The following TOLLIP variants were observed in gnomAD, a reference collection of about 807,000 sequenced individuals.
TOLLIP encodes toll interacting protein, also known as toll-interacting protein.
TOLLIP carries 16 observed loss-of-function variants against 33.5 expected under a neutral mutation model. The ratio of observed to expected loss-of-function variants is 0.48; its 90% CI spans 0.32 to 0.72. The LOEUF is 0.72. TOLLIP is among the 30% of genes least tolerant of loss of function. The pLI is 0.03. For synonymous variants in TOLLIP, 176 were observed against 163.7 expected, an observed-to-expected ratio of 1.07 and a Z score of -0.57; for missense variants, 325 against 396.6, an observed-to-expected ratio of 0.82 and a Z score of 1.53.
chr11:1,278,510 A>G lies in TOLLIP; in HGVS notation c.611-1257T>C, dbSNP rs1863384504. On this transcript the variant is annotated intron_variant, in intron 5 of 5. Coordinates refer to ENST00000317204, the MANE Select transcript of TOLLIP (RefSeq NM_019009.4). The surrounding 1 kb of genome is among the most constrained non-coding windows in gnomAD (Gnocchi z 4.7). The stretch of plus-strand genomic sequence containing the variant: ...ACGGAGCAGACAGGGCTTGCCACCA[A>G]GCCTCCTGCACCTGCTGCAAAGGCC... 6.6e-6 allele frequency among the ~76,000 whole-genome samples: 1 copy of G among 152,116 alleles called. No homozygotes were observed. The highest frequency in any genetic ancestry group is 1.5e-5 in the Non-Finnish European group (1 of 67,982).
chr11:1,295,944 T>G, intron 1 of TOLLIP, 150 bp from the exon 2 acceptor site: 1 of 1,055,896 alleles, frequency 9.5e-7, no homozygotes, highest in Non-Finnish European at 1.3e-6. Flanking sequence ...TCCTCATCTC[T>G]AAACGGAGGG....
At chr11:1,282,378 A>C (rs1863529932) in intron 5 of TOLLIP, among the ~76,000 whole-genome samples, 1 of 152,266 alleles carries the variant, frequency 6.6e-6, no homozygotes, top group African/African-American at 2.4e-5. Flanking sequence ...TTAAATGACG[A>C]GTCAATGGGT....
intron 1 of TOLLIP, among the ~76,000 whole-genome samples, chr11:1,304,034 T>TAAAA (rs1190313088): frequency 2.3e-5 from 2 of 87,902 alleles, no homozygotes; most frequent in Non-Finnish European, 4.7e-5. Flanking sequence ...AGCCTCCATG[T>TAAAA]AAAAAAAAAA....
chr11:1,286,505 G>C (rs1193560927), intron 4 of TOLLIP, among the ~76,000 whole-genome samples: 1 of 152,204 alleles, frequency 6.6e-6, no homozygotes, highest in Non-Finnish European at 1.5e-5. Context: ...ACTGTCCACT[G>C]TGGATAAGTC....
chr11:1,283,516 C>A (rs974395623), intron 5 of TOLLIP: 5 of 455,892 alleles, frequency 1.1e-5, no homozygotes, highest in Non-Finnish European at 2.2e-5. Flanking sequence ...GTGGACGAGT[C>A]CTCACAGGCT....
intron 2 of TOLLIP, chr11:1,295,393 C>A: frequency 2.7e-6 from 1 of 374,490 alleles, no homozygotes. Flanking sequence ...GGTGGAAGAG[C>A]CAGGCCCTAC....
At chr11:1,293,888 T>C (rs1382421683) in intron 2 of TOLLIP, among the ~76,000 whole-genome samples, 4 of 152,178 alleles carry the variant, frequency 2.6e-5, no homozygotes, top group South Asian at 4.1e-4. Flanking sequence ...GGCAGAGGGA[T>C]CGGCCACACC....
rs1403127831 is a variant in TOLLIP at position 1,276,163 on chromosome 11, AG to A, written c.*875del. Reference sequence around the variant, plus strand: ...CCCAAGCTGTCAGCAGTCGGCTGGCAGTGCCACCACACCCTCTCGGAATCAT... The same window carrying A: ...CCCAAGCTGTCAGCAGTCGGCTGGCATGCCACCACACCCTCTCGGAATCAT... On this transcript the variant is annotated 3_prime_UTR_variant, in exon 6 of 6. Coordinates refer to ENST00000317204, the MANE Select transcript of TOLLIP (RefSeq NM_019009.4). The A allele has an allele frequency of 6.5e-6, 1 of 152,946 alleles. No individual in the cohort carries two copies. The highest frequency in any genetic ancestry group is 1.5e-5 in the Non-Finnish European group (1 of 68,592). 9.5% of individuals were successfully genotyped at this position (152,946 alleles called of 1,614,324 possible).
chr11:1,306,218 C>T (rs1236438683), intron 1 of TOLLIP: 1 of 152,176 alleles, frequency 6.6e-6, no homozygotes, highest in Non-Finnish European at 1.5e-5. Context: ...AAGATCTAAA[C>T]ACGGTATGAT....
At chr11:1,291,236 T>C (rs1863926637) in intron 2 of TOLLIP, 1 of 152,260 alleles carries the variant, frequency 6.6e-6, no homozygotes, top group Non-Finnish European at 1.5e-5. Flanking sequence ...GTAAGCTGGG[T>C]TGGGTTCAGC....
chr11:1,281,914 GC>G (rs1219920336), intron 5 of TOLLIP, among the ~76,000 whole-genome samples: 2 of 152,208 alleles, frequency 1.3e-5, no homozygotes, highest in East Asian at 3.8e-4. Flanking sequence ...GCACGCAGCC[GC>G]CAGCCTCTCC....
At chr11:1,281,972 G>C (rs994291418) in intron 5 of TOLLIP, among the ~76,000 whole-genome samples, 58 of 152,236 alleles carry the variant, frequency 3.8e-4, no homozygotes, top group African/African-American at 1.3e-3. Context: ...GCTGCCGGGA[G>C]GATGGGCTGT....
Position 1,290,963 on chromosome 11 carries a change from T to A in TOLLIP, c.184-554A>T, listed in dbSNP as rs551462416. ...TCGGAGTACGTGGGGTTTTGGGGAC[T>A]GGAACTTGTCTTTCTTGTGTCTCCC... is the stretch of plus-strand genomic sequence containing the variant. On this transcript the variant is annotated intron_variant, in intron 2 of 5. Transcript: ENST00000317204. This position sits in a 1 kb window ranked among gnomAD's most constrained non-coding sequence, Gnocchi z 4.9. 1.7e-4 allele frequency: 26 copies of A among 154,024 alleles called. No homozygotes were observed. The highest frequency in any genetic ancestry group is 3.0e-4 in the Non-Finnish European group (21 of 69,196). 9.5% of individuals were successfully genotyped at this position (154,024 alleles called of 1,614,324 possible).
Position 1,290,537 on chromosome 11 carries a change from A to G in TOLLIP, c.184-128T>C. On this transcript the variant is annotated intron_variant, in intron 2 of 5. Coordinates refer to ENST00000317204, the MANE Select transcript of TOLLIP (RefSeq NM_019009.4). This position sits in a 1 kb window ranked among gnomAD's most constrained non-coding sequence, Gnocchi z 4.9. ...TAACACATAGACTACAGCCACTCAGAGTCGCCTGAACACGGCTGTGACCTG... is the reference window on the plus strand; with the variant it reads ...TAACACATAGACTACAGCCACTCAGGGTCGCCTGAACACGGCTGTGACCTG... The G allele has an allele frequency of 2.4e-6, 2 of 818,086 alleles. No homozygotes were observed. The highest frequency in any genetic ancestry group is 3.9e-6 in the Non-Finnish European group (2 of 519,324). The allele number at this position is 818,086 out of a possible 1,614,324, so 50.7% of individuals were successfully genotyped here. A position where few individuals can be genotyped will look rare whatever the true frequency, so the allele number is the denominator to read the frequency against.
Position 1,309,560 on chromosome 11 carries a change from G to A in TOLLIP, c.-62C>T, listed in dbSNP as rs1321971269. ...AGTGACGCGCCGGGCGACCTCCTGCGCCCCCGCCGGAGCCTGCGACGGAGA... is the reference window on the plus strand; with the variant it reads ...AGTGACGCGCCGGGCGACCTCCTGCACCCCCGCCGGAGCCTGCGACGGAGA... On this transcript the variant is annotated 5_prime_UTR_variant, in exon 1 of 6. Coordinates refer to ENST00000317204, the MANE Select transcript of TOLLIP (RefSeq NM_019009.4). 3.8e-6 allele frequency: 4 copies of A among 1,049,016 alleles called. No homozygotes were observed. Among genetic ancestry groups the A allele is most frequent in the East Asian group, 3.6e-5 (1 of 27,676 alleles). 65.0% of individuals were successfully genotyped at this position (1,049,016 alleles called of 1,614,324 possible).
At chr11:1,291,855 C>T (rs545521245) in intron 2 of TOLLIP, 3 of 161,162 alleles carry the variant, frequency 1.9e-5, no homozygotes, top group South Asian at 1.3e-4. Flanking sequence ...CCGTCCTCAC[C>T]GACCCCCGAG....
In TOLLIP at chr11:1,290,162, G is replaced by A; in HGVS notation, c.366+65C>T. On this transcript the variant is annotated intron_variant, in intron 3 of 5. Coordinates refer to ENST00000317204, the MANE Select transcript of TOLLIP (RefSeq NM_019009.4). This position sits in a 1 kb window ranked among gnomAD's most constrained non-coding sequence, Gnocchi z 4.9. The stretch of plus-strand genomic sequence containing the variant: ...CAGGAACGTGGCTGTGTTGGCAGGT[G>A]TGTCCCCACGGCAGCCACGCTCAGC... 2 of 1,540,756 alleles carry A rather than the reference G, an allele frequency of 1.3e-6. No homozygotes were observed. Among genetic ancestry groups the A allele is most frequent in the Non-Finnish European group, 1.8e-6 (2 of 1,128,986 alleles).
At position 1,287,839 on chromosome 11, in the gene TOLLIP, C is replaced by T. The variant is rs138382715; in HGVS notation, c.519+785G>A. Among the ~76,000 whole-genome samples the T allele has an allele frequency of 6.9e-5, 8 of 116,788 alleles. 1 individual carries two copies. Among genetic ancestry groups the T allele is most frequent in the East Asian group, 2.2e-4 (1 of 4,500 alleles). The allele number at this position is 116,788 out of a possible 152,430, so 76.6% of individuals were successfully genotyped here. ...AGCCTCCCCGCCGCACCCTCCCCGC[C>T]GCAGCCTCCCTGCCGCACCCTCTCT... On this transcript the variant is annotated intron_variant, in intron 4 of 5. Coordinates refer to ENST00000317204, the MANE Select transcript of TOLLIP (RefSeq NM_019009.4).
rs147274796 is a variant in TOLLIP at position 1,288,613 on chromosome 11, G to C, written c.519+11C>G. 6.2e-7 allele frequency: 1 copy of C among 1,606,728 alleles called. No individual in the cohort carries two copies. Among genetic ancestry groups the C allele is most frequent in the East Asian group, 2.2e-5 (1 of 44,736 alleles). Reference sequence around the variant, plus strand: ...CCAATGCGCCCCACCCCGCCCAGGCGTGCAGCTCACCGCGTAGGACATGAC... The same window carrying C: ...CCAATGCGCCCCACCCCGCCCAGGCCTGCAGCTCACCGCGTAGGACATGAC... On this transcript the variant is annotated intron_variant, in intron 4 of 5. Transcript: ENST00000317204.
Sources: gnomAD v4.1 joint callset for allele counts (sites outside exome capture counted in the v4.1 genomes callset) on GRCh38, gnomAD v4.1.1 for gene constraint, Gnocchi (gnomAD v3.1) non-coding constraint, MANE v1.5 for transcripts, NCBI Gene and HGNC (gene_info 2026-07-23, HGNC 2026-07-21) for gene names.